Variants in FRAS1 observed in about 807,000 individuals in gnomAD.
The protein encoded by FRAS1 is extracellular matrix organizing protein FRAS1.
FRAS1 carries 290 observed loss-of-function variants against 435.2 expected under a neutral mutation model. That is an observed-to-expected ratio of 0.67 (90% CI 0.61 to 0.73). The LOEUF (loss-of-function observed/expected upper bound fraction) is 0.73. FRAS1 is among the 30% of genes least tolerant of loss of function. The pLI is 0.00. For synonymous variants in FRAS1, 1,800 were observed against 1,851.0 expected, an observed-to-expected ratio of 0.97 and a Z score of 0.71; for missense variants, 4,860 against 5,001.5, an observed-to-expected ratio of 0.97 and a Z score of 0.85.
intron 2 of FRAS1, among the ~76,000 whole-genome samples, chr4:78,124,926 T>C (rs925240547): frequency 6.6e-6 from 1 of 152,234 alleles, no homozygotes; most frequent in Admixed American, 6.5e-5. Flanking sequence ...ATGTTGATCT[T>C]TTCAGAAAAC....
chr4:78,473,105 C>G (rs550985448), intron 52 of FRAS1, among the ~76,000 whole-genome samples: 1 of 152,242 alleles, frequency 6.6e-6, no homozygotes, highest in Admixed American at 6.5e-5. Flanking sequence ...AAAGACTTTC[C>G]TCTGTCAACT....
intron 2 of FRAS1, among the ~76,000 whole-genome samples, chr4:78,190,631 ATTCCCTTCCC>A (rs550088968): frequency 5.5e-5 from 5 of 90,408 alleles, no homozygotes; most frequent in East Asian, 6.2e-4. Context: ...CTTCCCTTCC[ATTCCCTTCCC>A]TTCCCTTCCC....
intron 2 of FRAS1, among the ~76,000 whole-genome samples, chr4:78,089,309 T>G: frequency 6.7e-6 from 1 of 149,188 alleles, no homozygotes; most frequent in South Asian, 2.2e-4. Flanking sequence ...GGGATAGCAT[T>G]AGGAGATATA....
At chr4:78,370,421 A>G (rs1731458120) in intron 23 of FRAS1, among the ~76,000 whole-genome samples, 1 of 152,204 alleles carries the variant, frequency 6.6e-6, no homozygotes. Context: ...TTGGATATGT[A>G]TCCTGACAGT....
At chr4:78,485,349 C>T (rs1720137629) in intron 58 of FRAS1, among the ~76,000 whole-genome samples, 1 of 152,180 alleles carries the variant, frequency 6.6e-6, no homozygotes. Context: ...CACTGATCAA[C>T]ACACAAAATT....
At chr4:78,284,638 G>T in intron 13 of FRAS1, 90 bp downstream of exon 13, 1 of 1,202,376 alleles carries the variant, frequency 8.3e-7, no homozygotes. Context: ...GCTCAGTATT[G>T]TCAAGGAGGG....
chr4:78,475,503 A>T lies in FRAS1; in HGVS notation c.7748A>T (p.Gln2583Leu). Residue 2583 changes from glutamine to leucine, a missense_variant, in exon 54 of 74, where the codon CAA becomes CTA. Transcript: ENST00000512123. ...VTVQRTGNLNQYAIVLCRTEQ... is the reference protein window; with the variant it reads ...VTVQRTGNLNLYAIVLCRTEQ... ...GTGCAGAGGACTGGGAACCTGAACC[A>T]ATATGCCATCGTCCTGTGTCGCACC... 6.2e-7 allele frequency: 1 copy of T among 1,613,942 alleles called. No homozygotes were observed. Among genetic ancestry groups the T allele is most frequent in the Non-Finnish European group, 8.5e-7 (1 of 1,179,834 alleles).
rs147552524 is a variant in FRAS1, at chr4:78,299,875, T to C, written c.1535-8191T>C. ...TCACCAGTGCACCTAGGCAACAGAG[T>C]GTTCTAAGTGTTCCTGCAGCAGACC... On this transcript the variant is annotated intron_variant, in intron 14 of 73. Transcript: ENST00000512123. Among the ~76,000 whole-genome samples the C allele has an allele frequency of 3.9e-5, 6 of 152,326 alleles. No individual in the cohort carries two copies. The East Asian group carries it at 9.6e-4, about 24-fold the overall frequency.
chr4:78,539,214 TCTC>T, intron 72 of FRAS1, 77 bp from the exon 73 acceptor site: 1 of 1,408,108 alleles, frequency 7.1e-7, no homozygotes, highest in Non-Finnish European at 9.7e-7. Context: ...TGAGTACTTT[TCTC>T]CTCCCAGTCA....
chr4:78,455,842 T>C (rs1496583), intron 47 of FRAS1, among the ~76,000 whole-genome samples: 112,118 of 152,044 alleles, frequency 0.74, 41,706 homozygotes, highest in African/African-American at 0.79. Flanking sequence ...CCTGTTTTTC[T>C]TGGGATATTA....
At chr4:78,265,569 G>A (rs1409047044) in intron 7 of FRAS1, among the ~76,000 whole-genome samples, 1 of 152,172 alleles carries the variant, frequency 6.6e-6, no homozygotes, top group African/African-American at 2.4e-5. Context: ...GCTGTTGGTG[G>A]TAGAACCTGC....
chr4:78,193,216 G>A (rs1722631630), intron 2 of FRAS1, among the ~76,000 whole-genome samples: 1 of 152,186 alleles, frequency 6.6e-6, no homozygotes, highest in Non-Finnish European at 1.5e-5. Flanking sequence ...TTTGGAATAG[G>A]TGTGGTGTGG....
intron 20 of FRAS1, among the ~76,000 whole-genome samples, chr4:78,354,347 G>A (rs905342167): frequency 1.3e-5 from 2 of 152,122 alleles, no homozygotes; most frequent in Non-Finnish European, 2.9e-5. Flanking sequence ...AGTCTCATTT[G>A]GTTGGTTGGT....
chr4:78,380,054 C>G (rs374464713), intron 27 of FRAS1, 58 bp downstream of exon 27: 1 of 1,568,072 alleles, frequency 6.4e-7, no homozygotes, highest in Middle Eastern at 1.7e-4. Context: ...CTTTTCCACT[C>G]CTCCACCCTG....
At chr4:78,072,163 G>T (rs1740390018) in intron 2 of FRAS1, 1 of 152,112 alleles carries the variant, frequency 6.6e-6, no homozygotes, top group South Asian at 2.1e-4. Context: ...ACTCATGGGA[G>T]TGTTATCCAT....
At chr4:78,118,807 G>T (rs894142281) in intron 2 of FRAS1, among the ~76,000 whole-genome samples, 1 of 152,048 alleles carries the variant, frequency 6.6e-6, no homozygotes, top group South Asian at 2.1e-4. Flanking sequence ...CTTGCACTCG[G>T]TGCGCTGCAC....
chr4:78,061,288 G>A (rs1739749920), intron 1 of FRAS1, among the ~76,000 whole-genome samples: 1 of 152,162 alleles, frequency 6.6e-6, no homozygotes, highest in Non-Finnish European at 1.5e-5. Flanking sequence ...AAATCAAGAA[G>A]TCACAAAGAA....
chr4:78,443,786 C>T (rs188504633), intron 41 of FRAS1, among the ~76,000 whole-genome samples: 4 of 152,308 alleles, frequency 2.6e-5, no homozygotes, highest in Non-Finnish European at 2.9e-5. Flanking sequence ...AGCTTGTTCT[C>T]CAGTGATTTA....
At chr4:78,192,866 G>T (rs1722612190) in intron 2 of FRAS1, among the ~76,000 whole-genome samples, 1 of 152,082 alleles carries the variant, frequency 6.6e-6, no homozygotes, top group Non-Finnish European at 1.5e-5. Context: ...TGCAATGTTA[G>T]GGTGTCAATT....
Sources: gnomAD v4.1 joint callset for allele counts (sites outside exome capture counted in the v4.1 genomes callset) on GRCh38, gnomAD v4.1.1 for gene constraint, MANE v1.5 for transcripts, NCBI Gene and HGNC (gene_info 2026-07-23, HGNC 2026-07-21) for gene names.